LAMA4: variants seen among roughly 807,000 people sequenced by gnomAD.
The protein encoded by LAMA4 is laminin subunit alpha 4, also known as laminin subunit alpha-4.
In LAMA4, 127 loss-of-function variants were observed where a neutral mutation model predicts 207.1. The observed-to-expected ratio is 0.61, with a 90% CI of 0.53 to 0.71. The LOEUF is 0.71. LAMA4 is among the 30% of genes least tolerant of loss of function. The pLI, the probability that LAMA4 is intolerant of heterozygous loss-of-function variation, is 0.00. For missense variants in LAMA4, 2,093 were observed against 2,246.5 expected (o/e 0.93, Z 1.38); for synonymous variants, 761 against 816.0 (o/e 0.93, Z 1.15).
chr6:112,129,735 TTTCTCAA>T lies in LAMA4; in HGVS notation c.4133+134_4133+140del. 4.3e-6 allele frequency: 3 copies of T among 700,644 alleles called. No individual in the cohort carries two copies. In the Middle Eastern group the frequency reaches 1.2e-3, roughly 277 times the overall value. The allele number at this position is 700,644 out of a possible 1,614,324, so 43.4% of individuals were successfully genotyped here. On this transcript the variant is annotated intron_variant, in intron 30 of 38. Transcript: ENST00000230538. ...CTACACAGAAACCCAAGTATGACAG[TTTCTCAA>T]GCACATAAAAGCTTTTAATTACTAT... is the stretch of plus-strand genomic sequence containing the variant.
At chr6:112,122,399 A>G (rs1778416304) in intron 31 of LAMA4, among the ~76,000 whole-genome samples, 198 bp from the exon 32 acceptor site, 1 of 152,220 alleles carries the variant, frequency 6.6e-6, no homozygotes. Context: ...AGTAACATCA[A>G]CAACATAGCA....
chr6:112,136,438 T>A (rs1779351984), intron 24 of LAMA4, among the ~76,000 whole-genome samples, 184 bp from the exon 25 acceptor site: 1 of 152,198 alleles, frequency 6.6e-6, no homozygotes, highest in African/African-American at 2.4e-5. Flanking sequence ...ACACCTGTAA[T>A]CCCAGCACTC....
At chr6:112,114,889 A>G in intron 36 of LAMA4, 133 bp from the exon 37 acceptor site, 5 of 726,868 alleles carry the variant, frequency 6.9e-6, no homozygotes, top group South Asian at 1.5e-5. Flanking sequence ...CAATTTGAAC[A>G]CAAGGGTCTT....
At chr6:112,115,764 T>C in intron 36 of LAMA4, 99 bp downstream of exon 36, 1 of 1,265,110 alleles carries the variant, frequency 7.9e-7, no homozygotes, top group Non-Finnish European at 1.1e-6. Context: ...TCTTTTCAGT[T>C]AGGAAAGATT....
intron 4 of LAMA4, among the ~76,000 whole-genome samples, chr6:112,204,622 G>T (rs1009235946): frequency 6.6e-6 from 1 of 152,086 alleles, no homozygotes; most frequent in Non-Finnish European, 1.5e-5. Flanking sequence ...CATGGCAAGA[G>T]AACTGTGCTA....
chr6:112,191,983 A>C, intron 5 of LAMA4, 133 bp from the exon 6 acceptor site: 44 of 787,018 alleles, frequency 5.6e-5, no homozygotes, highest in Non-Finnish European at 8.4e-5. Context: ...GCACTCTCTC[A>C]TCTTCTTCAT....
intron 38 of LAMA4, among the ~76,000 whole-genome samples, chr6:112,111,844 T>C (rs1266450953): frequency 6.6e-6 from 1 of 152,158 alleles, no homozygotes; most frequent in East Asian, 1.9e-4. Flanking sequence ...GCAACTCTTG[T>C]AGTGAGGGAT....
chr6:112,200,227 T>C (rs1783659729), intron 5 of LAMA4: 2 of 503,516 alleles, frequency 4.0e-6, no homozygotes, highest in Admixed American at 4.7e-5. Flanking sequence ...GAGAAAAGAG[T>C]GTCATGTGCT....
Position 112,139,741 on chromosome 6 carries a change from C to A in LAMA4, c.3110+11G>T. 1 of 1,613,582 alleles carries A rather than the reference C, an allele frequency of 6.2e-7. No individual in the cohort carries two copies. Among genetic ancestry groups the A allele is most frequent in the Non-Finnish European group, 8.5e-7 (1 of 1,179,518 alleles). ...ATATCCAAGTCTTTAGTACTCTTAA[C>A]TGTCTCTTACCGGGCACATGGCACT... On this transcript the variant is annotated intron_variant, in intron 23 of 38. Coordinates refer to ENST00000230538, the MANE Select transcript of LAMA4 (RefSeq NM_001105206.3).
intron 19 of LAMA4, among the ~76,000 whole-genome samples, chr6:112,143,284 C>CTTTTTT (rs61620762): frequency 8.0e-6 from 1 of 124,886 alleles, no homozygotes; most frequent in African/African-American, 3.2e-5. Context: ...AAAACTAATA[C>CTTTTTT]TTTTTTTTTT....
intron 2 of LAMA4, among the ~76,000 whole-genome samples, chr6:112,221,273 T>TA (rs1365616733): frequency 6.6e-6 from 1 of 152,162 alleles, no homozygotes; most frequent in African/African-American, 2.4e-5. Flanking sequence ...CCCTAGTGTC[T>TA]ATTCTCATAG....
intron 18 of LAMA4, among the ~76,000 whole-genome samples, chr6:112,147,265 A>G (rs1554334726): frequency 6.6e-6 from 1 of 152,234 alleles, no homozygotes; most frequent in Non-Finnish European, 1.5e-5. Context: ...AAATTTTAAA[A>G]GCACTTCCTT....
At chr6:112,196,781 C>CT (rs1238989891) in intron 5 of LAMA4, among the ~76,000 whole-genome samples, 1 of 151,998 alleles carries the variant, frequency 6.6e-6, no homozygotes, top group Non-Finnish European at 1.5e-5. Flanking sequence ...TACATAGTAC[C>CT]TTTTTTAAAG....
intron 38 of LAMA4, among the ~76,000 whole-genome samples, chr6:112,112,226 T>G (rs1406519609): frequency 6.6e-6 from 1 of 152,060 alleles, no homozygotes; most frequent in Non-Finnish European, 1.5e-5. Context: ...GGAGTTAGAA[T>G]GGGGAGGAAT....
At chr6:112,247,059 G>T (rs1787001158) in intron 2 of LAMA4, among the ~76,000 whole-genome samples, 1 of 152,186 alleles carries the variant, frequency 6.6e-6, no homozygotes, top group African/African-American at 2.4e-5. Context: ...CTTTTAACAA[G>T]ATAGTGTAGA....
rs1777805379 is a variant in LAMA4 at position 112,113,143 on chromosome 6, G to GTTAAGGAT, written c.5326+932_5326+933insATCCTTAA. Among the ~76,000 whole-genome samples, 3 of 152,156 alleles carry GTTAAGGAT rather than the reference G, an allele frequency of 2.0e-5. No individual in the cohort carries two copies. In the South Asian group the frequency reaches 6.2e-4, roughly 32 times the overall value. ...ATTATAGTTAAGGATAATTTATTGT[G>GTTAAGGAT]CATTTCAAAATAGCTAGAAGAGAAG... On this transcript the variant is annotated intron_variant, in intron 38 of 38. Transcript: ENST00000230538.
Position 112,109,353 on chromosome 6 carries a change from A to C in LAMA4, c.*84T>G. 53 of 1,444,896 alleles carry C rather than the reference A, an allele frequency of 3.7e-5. No individual in the cohort carries two copies. Among genetic ancestry groups the C allele is most frequent in the Non-Finnish European group, 4.3e-5 (44 of 1,034,398 alleles). The allele number at this position is 1,444,896 out of a possible 1,614,324, so 89.5% of individuals were successfully genotyped here. On this transcript the variant is annotated 3_prime_UTR_variant, in exon 39 of 39. Transcript: ENST00000230538. ...TCGATGAAAGCTTCCACCCGAAGGA[A>C]GAGTTACTGTTCCTCCTGGCTGGCT...
chr6:112,198,861 T>G (rs1783570396), intron 5 of LAMA4, among the ~76,000 whole-genome samples: 1 of 152,092 alleles, frequency 6.6e-6, no homozygotes, highest in Non-Finnish European at 1.5e-5. Flanking sequence ...CACTCAAAAC[T>G]TTGCAGTATT....
At chr6:112,150,330 A>G in intron 17 of LAMA4, 181 bp downstream of exon 17, 1 of 664,840 alleles carries the variant, frequency 1.5e-6, no homozygotes, top group Non-Finnish European at 2.7e-6. Context: ...CAGCATTTAT[A>G]TTTAGTTTCT....
Sources: gnomAD v4.1 joint callset for allele counts (sites outside exome capture counted in the v4.1 genomes callset) on GRCh38, gnomAD v4.1.1 for gene constraint, MANE v1.5 for transcripts, NCBI Gene and HGNC (gene_info 2026-07-23, HGNC 2026-07-21) for gene names.